TENM4: variants seen among roughly 807,000 people sequenced by gnomAD.
TENM4 encodes the protein teneurin-4.
A neutral mutation model predicts 243.3 loss-of-function variants in TENM4; 82 were observed. The observed-to-expected ratio is 0.34, with a 90% confidence interval of 0.28 to 0.40. The LOEUF (loss-of-function observed/expected upper bound fraction) is 0.40. TENM4 is among the 10% of genes least tolerant of loss of function. The pLI, the probability that TENM4 is intolerant of heterozygous loss-of-function variation, is 1.00. For missense variants in TENM4, 3,138 were observed against 3,673.3 expected, an observed-to-expected ratio of 0.85 and a Z score of 3.77; for synonymous variants, 1,412 against 1,456.3, an observed-to-expected ratio of 0.97 and a Z score of 0.69.
chr11:79,382,027 G>A (rs527368773), intron 1 of TENM4, among the ~76,000 whole-genome samples: 1 of 152,184 alleles, frequency 6.6e-6, no homozygotes, highest in Non-Finnish European at 1.5e-5. Context: ...CATTTGGCAC[G>A]TGCCAGATAT....
chr11:79,374,326 T>A (rs1857847099), intron 1 of TENM4, among the ~76,000 whole-genome samples: 1 of 152,062 alleles, frequency 6.6e-6, no homozygotes, highest in Admixed American at 6.6e-5. Flanking sequence ...TGTGGCAAAG[T>A]CATTTGTCGC....
In TENM4 at chr11:79,438,659, G is replaced by A. The variant is rs2135630909; in HGVS notation, c.-321+1850C>T. Among the ~76,000 whole-genome samples, 1 of 152,318 alleles carries A rather than the reference G, an allele frequency of 6.6e-6. No individual in the cohort carries two copies. Among genetic ancestry groups the A allele is most frequent in the African/African-American group, 2.4e-5 (1 of 41,570 alleles). On this transcript the variant is annotated intron_variant, in intron 1 of 33. Coordinates refer to ENST00000278550, the MANE Select transcript of TENM4 (RefSeq NM_001098816.3). The surrounding 1 kb of genome is among the most constrained non-coding windows in gnomAD (Gnocchi z 4.1). ...AGACAAGGAGGGGCGCCCAGGAAGG[G>A]CGGAAAAGAGGGGCTTTGGGGCTCC...
At chr11:79,404,874 G>C (rs1240877210) in intron 1 of TENM4, among the ~76,000 whole-genome samples, 1 of 152,044 alleles carries the variant, frequency 6.6e-6, no homozygotes, top group Admixed American at 6.5e-5. Context: ...ACAGCGGGGG[G>C]TGGGGGAATA....
At chr11:79,357,259 A>G (rs980140528) in intron 1 of TENM4, among the ~76,000 whole-genome samples, 3 of 152,216 alleles carry the variant, frequency 2.0e-5, no homozygotes, top group Admixed American at 2.0e-4. Flanking sequence ...ATGATCTCCA[A>G]TGCTACACAT....
At chr11:78,928,681 A>G (rs1856604635) in intron 6 of TENM4, among the ~76,000 whole-genome samples, 2 of 152,344 alleles carry the variant, frequency 1.3e-5, no homozygotes, top group South Asian at 2.1e-4. Flanking sequence ...TTTTCTCACA[A>G]TTAAACCTAG....
intron 18 of TENM4, among the ~76,000 whole-genome samples, chr11:78,766,776 C>T (rs1856548224): frequency 6.7e-6 from 1 of 150,228 alleles, no homozygotes; most frequent in Non-Finnish European, 1.5e-5. Flanking sequence ...AATCTCAGCT[C>T]ACTGAAACCT....
intron 7 of TENM4, among the ~76,000 whole-genome samples, chr11:78,892,351 T>C (rs1278811268): frequency 6.6e-6 from 1 of 152,188 alleles, no homozygotes; most frequent in Non-Finnish European, 1.5e-5. Flanking sequence ...GCCTGTTGCA[T>C]GCACCCAAGA....
chr11:79,120,104 C>T (rs1861710760), intron 4 of TENM4, among the ~76,000 whole-genome samples: 1 of 152,180 alleles, frequency 6.6e-6, no homozygotes, highest in Non-Finnish European at 1.5e-5. Flanking sequence ...ACAAAGCCCT[C>T]ATTGTTGGAT....
chr11:79,243,717 T>C (rs1254005952), intron 2 of TENM4, among the ~76,000 whole-genome samples: 1 of 152,044 alleles, frequency 6.6e-6, no homozygotes, highest in African/African-American at 2.4e-5. Context: ...GTGGGAGGCA[T>C]TTTCCTAAAC....
At chr11:79,417,447 C>A (rs1413544471) in intron 1 of TENM4, among the ~76,000 whole-genome samples, 1 of 152,122 alleles carries the variant, frequency 6.6e-6, no homozygotes, top group Non-Finnish European at 1.5e-5. Flanking sequence ...AAATACCAAC[C>A]ACAAGAGTGG....
chr11:78,731,907 T>C (rs752707541), intron 21 of TENM4, among the ~76,000 whole-genome samples: 1 of 152,216 alleles, frequency 6.6e-6, no homozygotes, highest in Non-Finnish European at 1.5e-5. Context: ...ATCTTTATTA[T>C]AATGCTCACT....
intron 6 of TENM4, among the ~76,000 whole-genome samples, chr11:79,041,437 G>A (rs1859526296): frequency 6.7e-6 from 1 of 149,116 alleles, no homozygotes; most frequent in African/African-American, 2.5e-5. Context: ...CAGGACCATT[G>A]AGAGAATAAC....
chr11:79,401,705 T>A (rs1273977058), intron 1 of TENM4, among the ~76,000 whole-genome samples: 1 of 152,212 alleles, frequency 6.6e-6, no homozygotes, highest in Admixed American at 6.5e-5. Flanking sequence ...CATTGAAACA[T>A]AAGCACTTTT....
At chr11:79,261,580 T>C (rs940485904) in intron 2 of TENM4, among the ~76,000 whole-genome samples, 1 of 152,234 alleles carries the variant, frequency 6.6e-6, no homozygotes, top group East Asian at 1.9e-4. Context: ...CAGGAACCCC[T>C]GGGGACAGCT....
Position 78,655,453 on chromosome 11 carries a change from G to A in TENM4, c.*2605C>T, listed in dbSNP as rs1333990224. On this transcript the variant is annotated 3_prime_UTR_variant, in exon 34 of 34. Coordinates refer to ENST00000278550, the MANE Select transcript of TENM4 (RefSeq NM_001098816.3). ...CCCAGCACTTCAGGAGGCCAAGGTGGATCGCCTGAGGCCAGGAGTTTGAGA... is the reference window on the plus strand; with the variant it reads ...CCCAGCACTTCAGGAGGCCAAGGTGAATCGCCTGAGGCCAGGAGTTTGAGA... 6.6e-6 allele frequency: 1 copy of A among 151,974 alleles called. No individual in the cohort carries two copies. The highest frequency in any genetic ancestry group is 1.5e-5 in the Non-Finnish European group (1 of 68,036). The allele number at this position is 151,974 out of a possible 1,614,324, so 9.4% of individuals were successfully genotyped here.
In TENM4 at chr11:78,889,886, A is replaced by G; in HGVS notation, c.983T>C (p.Phe328Ser). 6.4e-7 allele frequency: 1 copy of G among 1,551,818 alleles called. No individual in the cohort carries two copies. The highest frequency in any genetic ancestry group is 8.7e-7 in the Non-Finnish European group (1 of 1,147,020). The change falls in exon 9 of 34, where the codon TTT (phenylalanine) becomes TCT (serine). Residue 328 changes from phenylalanine (F) to serine (S), a missense_variant. Around this residue, in one of 2 missense-constraint regions of TENM4, gnomAD observed 671 missense variants for 614.1 expected, o/e 1.09. Coordinates refer to ENST00000278550, the MANE Select transcript of TENM4 (RefSeq NM_001098816.3). ...GTACTTGGAGGGCTTCTTGAGGTTA[A>G]AGGCCGGCCGGGCGAAGGTGCTGCG... ...LPRSTFARPA[F>S]NLKKPSKYCN...
At chr11:79,213,164 T>G (rs987763064) in intron 3 of TENM4, among the ~76,000 whole-genome samples, 1 of 151,986 alleles carries the variant, frequency 6.6e-6, no homozygotes, top group African/African-American at 2.4e-5. Context: ...AGAAAGGCAG[T>G]GGGGACATTC....
At chr11:78,834,539 C>T (rs763065510) in intron 12 of TENM4, among the ~76,000 whole-genome samples, 4 of 152,190 alleles carry the variant, frequency 2.6e-5, no homozygotes, top group Non-Finnish European at 4.4e-5. Context: ...ACAGAAGGCA[C>T]TACCAGAGTC....
intron 19 of TENM4, among the ~76,000 whole-genome samples, chr11:78,749,575 T>A (rs1856134204): frequency 1.3e-5 from 2 of 152,186 alleles, no homozygotes; most frequent in South Asian, 4.1e-4. Context: ...GAGCAAATGC[T>A]CTTCTGAAAC....
Sources: gnomAD v4.1 joint callset for allele counts (sites outside exome capture counted in the v4.1 genomes callset) on GRCh38, gnomAD v4.1.1 for gene constraint, gnomAD v4.1.1 regional missense constraint, Gnocchi (gnomAD v3.1) non-coding constraint, MANE v1.5 for transcripts, NCBI Gene and HGNC (gene_info 2026-07-23, HGNC 2026-07-21) for gene names.